Variants in RAB3GAP1 observed in about 807,000 individuals in gnomAD.
RAB3GAP1 encodes RAB3 GTPase activating protein catalytic subunit 1.
In RAB3GAP1, 86 loss-of-function variants were observed where a neutral mutation model predicts 130.7. The ratio of observed to expected loss-of-function variants is 0.66; its 90% CI spans 0.55 to 0.79. The LOEUF is 0.79. Among genes scored for constraint, RAB3GAP1 ranks in the 30% least tolerant of loss-of-function variants. The pLI, the probability that RAB3GAP1 is intolerant of heterozygous loss-of-function variation, is 0.00. For missense variants in RAB3GAP1, 1,029 were observed against 1,169.4 expected, an observed-to-expected ratio of 0.88 and a Z score of 1.75; for synonymous variants, 367 against 401.7, an observed-to-expected ratio of 0.91 and a Z score of 1.03.
At chr2:135,134,850 G>C (rs1691636755) in intron 15 of RAB3GAP1, among the ~76,000 whole-genome samples, 1 of 152,102 alleles carries the variant, frequency 6.6e-6, no homozygotes, top group Admixed American at 6.6e-5. Flanking sequence ...TTGAAATACA[G>C]GTGGAGATCT....
chr2:135,145,292 C>T (rs1460334562), intron 17 of RAB3GAP1, among the ~76,000 whole-genome samples: 1 of 151,916 alleles, frequency 6.6e-6, no homozygotes, highest in Non-Finnish European at 1.5e-5. Flanking sequence ...TGTTGTTAAC[C>T]ATAGTTACCC....
intron 5 of RAB3GAP1, among the ~76,000 whole-genome samples, chr2:135,106,929 T>G (rs1232020957): frequency 6.6e-6 from 1 of 151,892 alleles, no homozygotes; most frequent in African/African-American, 2.4e-5. Context: ...GAACCACCCC[T>G]AGACATAGTA....
intron 3 of RAB3GAP1, among the ~76,000 whole-genome samples, chr2:135,060,188 G>T (rs1453011497): frequency 6.7e-6 from 1 of 149,886 alleles, no homozygotes; most frequent in African/African-American, 2.5e-5. Flanking sequence ...ACCTCCACTA[G>T]ATTTTTTTAA....
At chr2:135,122,961 T>A (rs1573571683) in intron 8 of RAB3GAP1, among the ~76,000 whole-genome samples, 1 of 152,264 alleles carries the variant, frequency 6.6e-6, no homozygotes, top group East Asian at 1.9e-4. Flanking sequence ...ACTCCTGACC[T>A]CAGGTGATCC....
At chr2:135,167,697 C>T in intron 23 of RAB3GAP1, 1 of 1,493,698 alleles carries the variant, frequency 6.7e-7, no homozygotes, top group Non-Finnish European at 9.0e-7. Context: ...CTCAAGCTGA[C>T]TGAATCTTCT....
At chr2:135,148,743 C>T (rs1028006166) in intron 17 of RAB3GAP1, among the ~76,000 whole-genome samples, 1 of 149,882 alleles carries the variant, frequency 6.7e-6, no homozygotes, top group Non-Finnish European at 1.5e-5. Context: ...AACTCCTGAC[C>T]TCAAATGATC....
In RAB3GAP1 at chr2:135,150,502, T is replaced by C; in HGVS notation, c.2057T>C (p.Phe686Ser). 6.2e-7 allele frequency: 1 copy of C among 1,614,014 alleles called. No homozygotes were observed. The highest frequency in any genetic ancestry group is 2.2e-5 in the East Asian group (1 of 44,872). ...SACLLSDMES[F>S]KAANPGCSLE... ...TGTCTGCTCTCAGATATGGAGTCTT[T>C]TAAGGTGGGTCACACTTGCAGAGCT... Residue 686 changes from phenylalanine to serine, a missense_variant, in exon 18 of 24, where the codon TTT (phenylalanine) becomes TCT (serine). Transcript: ENST00000264158.
intron 2 of RAB3GAP1, among the ~76,000 whole-genome samples, chr2:135,056,173 G>T (rs1252901637): frequency 6.7e-6 from 1 of 150,072 alleles, no homozygotes; most frequent in Non-Finnish European, 1.5e-5. Context: ...AAACTTTTTT[G>T]GATCAAATAT....
At chr2:135,068,571 G>C (rs1048737743) in intron 3 of RAB3GAP1, among the ~76,000 whole-genome samples, 4 of 152,042 alleles carry the variant, frequency 2.6e-5, no homozygotes, top group Admixed American at 2.6e-4. Context: ...TGGCCAACAT[G>C]GTGAAACCCT....
chr2:135,086,169 A>C (rs1339793993), intron 3 of RAB3GAP1, among the ~76,000 whole-genome samples: 1 of 152,166 alleles, frequency 6.6e-6, no homozygotes, highest in Non-Finnish European at 1.5e-5. Flanking sequence ...TTTCTGGATT[A>C]TTATTATCAA....
chr2:135,132,736 T>A (rs113816804), intron 13 of RAB3GAP1, among the ~76,000 whole-genome samples, 159 bp from the exon 14 acceptor site: 1 of 152,068 alleles, frequency 6.6e-6, no homozygotes, highest in Non-Finnish European at 1.5e-5. Context: ...ATAGAAAAAA[T>A]TTGAGAGTGT....
intron 5 of RAB3GAP1, among the ~76,000 whole-genome samples, chr2:135,112,757 A>G (rs1280657275): frequency 6.6e-6 from 1 of 152,160 alleles, no homozygotes; most frequent in Non-Finnish European, 1.5e-5. Flanking sequence ...TTGTTAGTAA[A>G]CACATGGGTA....
At position 135,162,827 on chromosome 2, in the gene RAB3GAP1, C is replaced by T. The variant is rs762169801; in HGVS notation, c.2466C>T (p.Pro822=). Residue 822 remains proline, a synonymous_variant, in exon 21 of 24, where the codon CCC becomes CCT. Coordinates refer to ENST00000264158, the MANE Select transcript of RAB3GAP1 (RefSeq NM_012233.3). Reference sequence around the variant, plus strand: ...ATTCCAGTAAAGTTTTGCACTTCCCCAATCCAGAAGACAAGAAATTGGAAG... The same window carrying T: ...ATTCCAGTAAAGTTTTGCACTTCCCTAATCCAGAAGACAAGAAATTGGAAG... ...ISHSSKVLHF[P]NPEDKKLEEI... is the part of the protein sequence containing the mutation. 1.2e-6 allele frequency: 2 copies of T among 1,612,640 alleles called. No individual in the cohort carries two copies. The highest frequency in any genetic ancestry group is 2.2e-5 in the South Asian group (2 of 91,042).
chr2:135,092,445 T>G (rs1690169398), intron 4 of RAB3GAP1, among the ~76,000 whole-genome samples: 2 of 152,190 alleles, frequency 1.3e-5, no homozygotes, highest in African/African-American at 4.8e-5. Context: ...TTTTTGTTTG[T>G]TTGTTTTTGA....
chr2:135,053,100 T>C (rs1688924740), intron 2 of RAB3GAP1, among the ~76,000 whole-genome samples: 1 of 152,166 alleles, frequency 6.6e-6, no homozygotes, highest in African/African-American at 2.4e-5. Context: ...CAAGTGAAGC[T>C]CCCGCTTTAG....
chr2:135,144,390 C>A (rs1054690385), intron 17 of RAB3GAP1, among the ~76,000 whole-genome samples: 1 of 152,128 alleles, frequency 6.6e-6, no homozygotes, highest in African/African-American at 2.4e-5. Flanking sequence ...GGAGTGCTTG[C>A]TGATTGGTTT....
intron 5 of RAB3GAP1, among the ~76,000 whole-genome samples, chr2:135,094,689 TA>T (rs1690241771): frequency 2.0e-5 from 3 of 152,200 alleles, no homozygotes; most frequent in African/African-American, 7.2e-5. Flanking sequence ...AACCCATGTT[TA>T]CACACTTAAA....
At chr2:135,082,335 C>T (rs1270575819) in intron 3 of RAB3GAP1, among the ~76,000 whole-genome samples, 1 of 152,052 alleles carries the variant, frequency 6.6e-6, no homozygotes, top group African/African-American at 2.4e-5. Context: ...TGTTAGAAGT[C>T]ACTTACCATT....
intron 9 of RAB3GAP1, 132 bp from the exon 10 acceptor site, chr2:135,126,049 G>A: frequency 1.5e-6 from 1 of 685,250 alleles, no homozygotes; most frequent in Non-Finnish European, 2.5e-6. Flanking sequence ...TAAATAAGTT[G>A]TTTCCAGTAT....
Sources: gnomAD v4.1 joint callset for allele counts (sites outside exome capture counted in the v4.1 genomes callset) on GRCh38, gnomAD v4.1.1 for gene constraint, MANE v1.5 for transcripts, NCBI Gene and HGNC (gene_info 2026-07-23, HGNC 2026-07-21) for gene names.